NIN: variants seen among roughly 807,000 people sequenced by gnomAD.
NIN encodes ninein.
NIN carries 137 observed loss-of-function variants against 257.6 expected under a neutral mutation model. The observed-to-expected ratio is 0.53, with a 90% confidence interval of 0.46 to 0.61. The LOEUF is 0.61. Among genes scored for constraint, NIN ranks in the 20% least tolerant of loss-of-function variants. The probability of loss-of-function intolerance (pLI) is 0.00; values close to 1 mark genes in which losing one functional copy is unlikely to be tolerated. For synonymous variants in NIN, 918 were observed against 919.8 expected (o/e 1.00, Z 0.04); for missense variants, 2,439 against 2,501.2 (o/e 0.98, Z 0.53).
intron 3 of NIN, among the ~76,000 whole-genome samples, chr14:50,807,829 C>CATTTATATGTCATAAAAG (rs1294794986): frequency 6.6e-6 from 1 of 152,130 alleles, no homozygotes; most frequent in Non-Finnish European, 1.5e-5. Flanking sequence ...GAGAGGAATT[C>CATTTATATGTCATAAAAG]ATTTATATGT....
rs1273445545 is a variant in NIN at position 50,831,129 on chromosome 14, C to T, written c.-199G>A. On this transcript the variant is annotated 5_prime_UTR_variant, in exon 1 of 31. Coordinates refer to ENST00000530997, the MANE Select transcript of NIN (RefSeq NM_020921.4). ...GCTCGGCTCCCGGCTCGGCCGCGGC[C>T]ACCCGGAGCTCTGGACGCCGGGGAG... The T allele has an allele frequency of 6.7e-6, 1 of 150,058 alleles. No individual in the cohort carries two copies. Among genetic ancestry groups the T allele is most frequent in the African/African-American group, 2.4e-5 (1 of 41,216 alleles). 9.3% of individuals were successfully genotyped at this position (150,058 alleles called of 1,614,324 possible). A position where few individuals can be genotyped will look rare whatever the true frequency, so the allele number is the denominator to read the frequency against.
intron 12 of NIN, 101 bp downstream of exon 12, chr14:50,770,287 T>C (rs925654875): frequency 1.6e-6 from 2 of 1,214,324 alleles, no homozygotes; most frequent in African/African-American, 3.1e-5. Context: ...TGGAGGATTT[T>C]TGGACTGAAC....
At position 50,720,422 on chromosome 14, in the gene NIN, A is replaced by G. The variant is rs1410099283; in HGVS notation, c.*3041T>C. The G allele has an allele frequency of 2.4e-5, 5 of 212,514 alleles. No homozygotes were observed. Among genetic ancestry groups the G allele is most frequent in the Non-Finnish European group, 1.9e-5 (2 of 104,872 alleles). The allele number at this position is 212,514 out of a possible 1,614,324, so 13.2% of individuals were successfully genotyped here. A position where few individuals can be genotyped will look rare whatever the true frequency, so the allele number is the denominator to read the frequency against. ...AAATTCATTTCTCACATGTTAAAAA[A>G]GCAAAGTCTGCCATAAACCCTTAGA... On this transcript the variant is annotated 3_prime_UTR_variant, in exon 31 of 31. Transcript: ENST00000530997.
intron 5 of NIN, among the ~76,000 whole-genome samples, chr14:50,788,983 G>A (rs1595873030): frequency 6.6e-6 from 1 of 152,114 alleles, no homozygotes; most frequent in African/African-American, 2.4e-5. Context: ...GAGAGCAGGG[G>A]AAACTGAAGT....
chr14:50,729,460 A>G, intron 29 of NIN, 63 bp downstream of exon 29: 6 of 1,484,812 alleles, frequency 4.0e-6, no homozygotes, highest in Non-Finnish European at 5.5e-6. Flanking sequence ...TTGAACTGGT[A>G]TAACTTTCAA....
chr14:50,728,490 A>T (rs758611355), intron 29 of NIN, among the ~76,000 whole-genome samples: 1 of 152,236 alleles, frequency 6.6e-6, no homozygotes, highest in African/African-American at 2.4e-5. Context: ...TGGATAGTAG[A>T]AGAAACAGAA....
intron 28 of NIN, chr14:50,731,056 T>C (rs779529122): frequency 1.6e-6 from 1 of 643,534 alleles, no homozygotes; most frequent in Non-Finnish European, 2.5e-6. Flanking sequence ...GTATGAGTAA[T>C]AAAAAGAGAA....
intron 25 of NIN, among the ~76,000 whole-genome samples, 174 bp from the exon 26 acceptor site, chr14:50,739,661 ATTC>A (rs1322403756): frequency 1.3e-5 from 2 of 152,392 alleles, no homozygotes; most frequent in East Asian, 3.9e-4. Context: ...ATAAAACAAT[ATTC>A]TTGAAGTTTG....
At chr14:50,744,007 A>G (rs1238265074) in intron 23 of NIN, among the ~76,000 whole-genome samples, 1 of 152,252 alleles carries the variant, frequency 6.6e-6, no homozygotes, top group Non-Finnish European at 1.5e-5. Flanking sequence ...CTGTGATGTG[A>G]TAAGAAACAT....
chr14:50,779,182 G>C (rs1159146738), intron 5 of NIN, among the ~76,000 whole-genome samples: 1 of 152,234 alleles, frequency 6.6e-6, no homozygotes, highest in Admixed American at 6.5e-5. Context: ...AATGTGTACT[G>C]AGTGCTTCTC....
At chr14:50,830,131 T>A (rs2045634555) in intron 2 of NIN, among the ~76,000 whole-genome samples, 1 of 152,134 alleles carries the variant, frequency 6.6e-6, no homozygotes, top group African/African-American at 2.4e-5. Flanking sequence ...CTGCAGCGTC[T>A]CAATCACAAG....
At chr14:50,810,828 T>C (rs958890820) in intron 3 of NIN, among the ~76,000 whole-genome samples, 4 of 151,172 alleles carry the variant, frequency 2.6e-5, no homozygotes, top group African/African-American at 9.7e-5. Flanking sequence ...GCCTGGCTAA[T>C]TTTTTTTGTA....
chr14:50,729,672 C>A lies in NIN; in HGVS notation c.5929G>T (p.Asp1977Tyr). 1 of 1,613,542 alleles carries A rather than the reference C, an allele frequency of 6.2e-7. No homozygotes were observed. Among genetic ancestry groups the A allele is most frequent in the Non-Finnish European group, 8.5e-7 (1 of 1,179,812 alleles). ...GCTTGCTGCTGGAGCAGCTGCAAAT[C>A]CCAAGCATGAGGGGACGGGCTAGGC... ...ATPSPSPHAW[D>Y]LQLLQQQACP... is the part of the protein sequence containing the mutation. Residue 1977 changes from aspartate to tyrosine, a missense_variant, in exon 29 of 31, where the codon GAT becomes TAT. Coordinates refer to ENST00000530997, the MANE Select transcript of NIN (RefSeq NM_020921.4).
intron 3 of NIN, among the ~76,000 whole-genome samples, chr14:50,807,695 G>A (rs547032130): frequency 6.6e-6 from 1 of 152,292 alleles, no homozygotes; most frequent in Non-Finnish European, 1.5e-5. Flanking sequence ...ACACTGCCTA[G>A]AGGTTTAATA....
At chr14:50,746,841 T>A (rs2041567205) in intron 22 of NIN, among the ~76,000 whole-genome samples, 1 of 152,234 alleles carries the variant, frequency 6.6e-6, no homozygotes, top group African/African-American at 2.4e-5. Flanking sequence ...ATTTTCATAT[T>A]TAAAATTAAG....
At chr14:50,801,868 G>A (rs146500891) in intron 4 of NIN, among the ~76,000 whole-genome samples, 1 of 152,268 alleles carries the variant, frequency 6.6e-6, no homozygotes, top group East Asian at 1.9e-4. Flanking sequence ...TTTTCCCCAT[G>A]AATAAACAAA....
intron 22 of NIN, among the ~76,000 whole-genome samples, chr14:50,747,745 A>AG (rs1403687491): frequency 1.6e-5 from 2 of 123,888 alleles, no homozygotes; most frequent in African/African-American, 3.0e-5. Flanking sequence ...TCTTAAAAAA[A>AG]AAAAAGGGGG....
chr14:50,770,626 C>G (rs141158739), intron 11 of NIN, 64 bp from the exon 12 acceptor site: 1 of 1,560,376 alleles, frequency 6.4e-7, no homozygotes, highest in African/African-American at 1.4e-5. Context: ...ATCAATCTAC[C>G]AAAAATGGAA....
Position 50,720,707 on chromosome 14 carries a change from C to T in NIN, c.*2756G>A, listed in dbSNP as rs895851588. The stretch of plus-strand genomic sequence containing the variant: ...GTTCTACTTCTCCCCTTCTACTCTC[C>T]CTTCACAAATCTAAGCTTAAGTGCA... On this transcript the variant is annotated 3_prime_UTR_variant, in exon 31 of 31. Transcript: ENST00000530997. 2 of 206,700 alleles carry T rather than the reference C, an allele frequency of 9.7e-6. No individual in the cohort carries two copies. Among genetic ancestry groups the T allele is most frequent in the Non-Finnish European group, 2.0e-5 (2 of 101,024 alleles). 12.8% of individuals were successfully genotyped at this position (206,700 alleles called of 1,614,324 possible).
Sources: gnomAD v4.1 joint callset for allele counts (sites outside exome capture counted in the v4.1 genomes callset) on GRCh38, gnomAD v4.1.1 for gene constraint, MANE v1.5 for transcripts, NCBI Gene and HGNC (gene_info 2026-07-23, HGNC 2026-07-21) for gene names.